The following COL21A1 variants were observed in gnomAD, a reference collection of about 807,000 sequenced individuals.
COL21A1 encodes the protein collagen type XXI alpha 1 chain, also known as collagen alpha-1(XXI) chain.
A neutral mutation model predicts 137.9 loss-of-function variants in COL21A1; 149 were observed. That is an observed-to-expected ratio of 1.08 (90% CI 0.95 to 1.24). The LOEUF is 1.24. COL21A1 is among the 50% of genes most tolerant of loss of function. The pLI, the probability that COL21A1 is intolerant of heterozygous loss-of-function variation, is 0.00. For synonymous variants in COL21A1, 456 were observed against 391.5 expected (o/e 1.16, Z -1.95); for missense variants, 1,167 against 1,158.4 (o/e 1.01, Z -0.11).
intron 1 of COL21A1, among the ~76,000 whole-genome samples, chr6:56,283,864 T>TCACA (rs142900697): frequency 3.4e-4 from 45 of 133,878 alleles, no homozygotes; most frequent in African/African-American, 1.1e-3. Context: ...GTAGACACAC[T>TCACA]CACACACACA....
At position 56,208,602 on chromosome 6, in the gene COL21A1, A is replaced by G. The variant is rs368280988; in HGVS notation, c.-38-25946T>C. ...TCGTGAAAATGACCATACTGCCCAA[A>G]GTAATTTATAGATTCAATGCTATCC... On this transcript the variant is annotated intron_variant, in intron 1 of 29. Coordinates refer to ENST00000244728, the MANE Select transcript of COL21A1 (RefSeq NM_030820.4). 2.2e-3 allele frequency among the ~76,000 whole-genome samples: 331 copies of G among 152,296 alleles called. 1 individual carries two copies. Among genetic ancestry groups the G allele is most frequent in the Non-Finnish European group, 3.0e-3 (206 of 68,002 alleles).
chr6:56,330,665 TCA>T (rs1446469585), intron 1 of COL21A1, among the ~76,000 whole-genome samples: 1 of 152,038 alleles, frequency 6.6e-6, no homozygotes, highest in Admixed American at 6.6e-5. Context: ...TCCCACCCAC[TCA>T]CAGTTTGGAG....
At chr6:56,060,850 C>T (rs1386892882) in intron 26 of COL21A1, 41 bp downstream of exon 26, 1 of 1,584,192 alleles carries the variant, frequency 6.3e-7, no homozygotes, top group East Asian at 2.3e-5. Context: ...GAGCAAAAAT[C>T]AATGAAAATG....
At chr6:56,373,828 T>C (rs909067735) in intron 1 of COL21A1, among the ~76,000 whole-genome samples, 3 of 152,224 alleles carry the variant, frequency 2.0e-5, no homozygotes, top group African/African-American at 4.8e-5. Context: ...TATTTTAAAA[T>C]AGGTTTCTTG....
At chr6:56,386,153 T>A (rs1249074436) in intron 1 of COL21A1, among the ~76,000 whole-genome samples, 2 of 152,306 alleles carry the variant, frequency 1.3e-5, no homozygotes, top group East Asian at 3.9e-4. Context: ...TTTACCATGT[T>A]AGCCTGGCTA....
chr6:56,202,892 G>A lies in COL21A1; in HGVS notation c.-38-20236C>T, dbSNP rs150194148. On this transcript the variant is annotated intron_variant, in intron 1 of 29. Transcript: ENST00000244728. ...TGAGACCAGTACAAGCCAAGAAATG[G>A]TGTACAGTGTATTTTATTTGCCTGT... 1.1e-3 allele frequency among the ~76,000 whole-genome samples: 175 copies of A among 152,252 alleles called. No homozygotes were observed. The East Asian group carries it at 0.031, about 27-fold the overall frequency.
At chr6:56,260,713 CAGGA>C (rs1399429420) in intron 1 of COL21A1, among the ~76,000 whole-genome samples, 20 of 60,330 alleles carry the variant, frequency 3.3e-4, no homozygotes, top group African/African-American at 5.5e-4. Flanking sequence ...GGCAGGCAGG[CAGGA>C]AGGGAGGCAG....
chr6:56,162,465 G>T (rs1174353623), intron 9 of COL21A1, among the ~76,000 whole-genome samples: 1 of 152,196 alleles, frequency 6.6e-6, no homozygotes, highest in African/African-American at 2.4e-5. Flanking sequence ...AAGACAATGG[G>T]TGTGCTAAAA....
At chr6:56,375,447 C>T (rs2093997319) in intron 1 of COL21A1, among the ~76,000 whole-genome samples, 1 of 152,178 alleles carries the variant, frequency 6.6e-6, no homozygotes, top group Non-Finnish European at 1.5e-5. Context: ...CTGCCTCCTT[C>T]CTGGCCAGAT....
rs373532211 is a variant in COL21A1, at chr6:56,168,295, C to T, written c.1029G>A (p.Thr343=). The T allele has an allele frequency of 5.8e-5, 88 of 1,527,242 alleles. No homozygotes were observed. The highest frequency in any genetic ancestry group is 9.2e-5 in the East Asian group (4 of 43,432). 94.6% of individuals were successfully genotyped at this position (1,527,242 alleles called of 1,614,324 possible). A position where few individuals can be genotyped will look rare whatever the true frequency, so the allele number is the denominator to read the frequency against. ...VVTFANPQVK[T]LFDEGWHQIR... Reference sequence around the variant, plus strand: ...TTTGGTGCCAGCCTTCATCAAACAACGTCTACAAAAAGAAAGTGTGGAAGA... The same window carrying T: ...TTTGGTGCCAGCCTTCATCAAACAATGTCTACAAAAAGAAAGTGTGGAAGA... Residue 343 remains threonine, a splice_region_variant and synonymous_variant, in exon 6 of 30, where the codon ACG becomes ACA. Coordinates refer to ENST00000244728, the MANE Select transcript of COL21A1 (RefSeq NM_030820.4).
chr6:56,323,675 A>C (rs1764930467), intron 1 of COL21A1, among the ~76,000 whole-genome samples: 1 of 152,124 alleles, frequency 6.6e-6, no homozygotes, highest in African/African-American at 2.4e-5. Flanking sequence ...GTGATGTCAT[A>C]ATTTTAAGAT....
At chr6:56,269,451 C>G (rs903339867) in intron 1 of COL21A1, among the ~76,000 whole-genome samples, 2 of 151,468 alleles carry the variant, frequency 1.3e-5, no homozygotes, top group East Asian at 1.9e-4. Flanking sequence ...GTCAGGAGAT[C>G]GAGACCATCC....
intron 17 of COL21A1, among the ~76,000 whole-genome samples, chr6:56,078,784 T>C (rs1488912580): frequency 1.3e-5 from 2 of 151,600 alleles, no homozygotes; most frequent in African/African-American, 4.8e-5. Context: ...ACTATACCAT[T>C]TGCAGAGAAC....
intron 1 of COL21A1, among the ~76,000 whole-genome samples, chr6:56,260,337 A>G (rs1408670107): frequency 6.6e-6 from 1 of 151,844 alleles, no homozygotes; most frequent in African/African-American, 2.4e-5. Flanking sequence ...TAATCCCAGC[A>G]CTTTGGGAGC....
At chr6:56,087,797 C>G (rs1026729396) in intron 17 of COL21A1, among the ~76,000 whole-genome samples, 1 of 152,082 alleles carries the variant, frequency 6.6e-6, no homozygotes, top group African/African-American at 2.4e-5. Flanking sequence ...TTTCTTTCTT[C>G]CAGAGTAGGA....
At chr6:56,232,034 C>T (rs756330436) in intron 1 of COL21A1, among the ~76,000 whole-genome samples, 2 of 151,816 alleles carry the variant, frequency 1.3e-5, no homozygotes, top group Non-Finnish European at 1.5e-5. Context: ...AGCAAATGAA[C>T]ACTACAGTCA....
chr6:56,057,449 A>T lies in COL21A1; in HGVS notation c.*208T>A, dbSNP rs1379040924. 3.6e-6 allele frequency: 2 copies of T among 560,098 alleles called. No homozygotes were observed. Among genetic ancestry groups the T allele is most frequent in the East Asian group, 7.0e-5 (2 of 28,628 alleles). The allele number at this position is 560,098 out of a possible 1,614,324, so 34.7% of individuals were successfully genotyped here. ...ACAAGAAACCCTTGAGATTTAATTA[A>T]TGCTGCTAATCCAAGGGCTCCAAAT... On this transcript the variant is annotated 3_prime_UTR_variant, in exon 30 of 30. Transcript: ENST00000244728.
intron 21 of COL21A1, 140 bp from the exon 22 acceptor site, chr6:56,069,257 G>C: frequency 2.2e-6 from 1 of 460,394 alleles, no homozygotes; most frequent in Non-Finnish European, 3.8e-6. Context: ...AAATAGTAAA[G>C]AATAAAATGT....
At chr6:56,304,063 T>C (rs1052896105) in intron 1 of COL21A1, among the ~76,000 whole-genome samples, 1 of 152,230 alleles carries the variant, frequency 6.6e-6, no homozygotes, top group African/African-American at 2.4e-5. Context: ...GAACCAGCCT[T>C]GCATCCCAGG....
Sources: gnomAD v4.1 joint callset for allele counts (sites outside exome capture counted in the v4.1 genomes callset) on GRCh38, gnomAD v4.1.1 for gene constraint, MANE v1.5 for transcripts, NCBI Gene and HGNC (gene_info 2026-07-23, HGNC 2026-07-21) for gene names.